RAB11FIP4: variants seen among roughly 807,000 people sequenced by gnomAD.
RAB11FIP4 encodes the protein rab11 family-interacting protein 4.
In RAB11FIP4, 23 loss-of-function variants were observed where a neutral mutation model predicts 74.3. That is an observed-to-expected ratio of 0.31 (90% CI 0.22 to 0.44). The LOEUF (loss-of-function observed/expected upper bound fraction) is 0.44, where lower values mean the gene tolerates loss of function less well. Among genes scored for constraint, RAB11FIP4 ranks in the 20% least tolerant of loss-of-function variants. The pLI, the probability that RAB11FIP4 is intolerant of heterozygous loss-of-function variation, is 1.00. For missense variants in RAB11FIP4, 630 were observed against 863.9 expected (o/e 0.73, Z 3.39); for synonymous variants, 360 against 359.9 (o/e 1.00, Z 0.00).
At chr17:31,480,084 C>G (rs2071831389) in intron 3 of RAB11FIP4, among the ~76,000 whole-genome samples, 1 of 152,168 alleles carries the variant, frequency 6.6e-6, no homozygotes. Flanking sequence ...GGTGAAGTTA[C>G]TTGCCTTTAG....
Position 31,489,490 on chromosome 17 carries a change from C to CT in RAB11FIP4, c.337-28160dup, listed in dbSNP as rs1181278342. On this transcript the variant is annotated intron_variant, in intron 3 of 14. Coordinates refer to ENST00000621161, the MANE Select transcript of RAB11FIP4 (RefSeq NM_032932.6). ...GGAGTGCCTGAGTCGCTGCCTTTGA[C>CT]TGGGGTCTCCCCCAGGTGCTGGCAC... Among the ~76,000 whole-genome samples, 9 of 152,278 alleles carry CT rather than the reference C, an allele frequency of 5.9e-5. No individual in the cohort carries two copies. The South Asian group carries it at 1.9e-3, about 32-fold the overall frequency.
At chr17:31,485,955 G>T (rs1163796127) in intron 3 of RAB11FIP4, among the ~76,000 whole-genome samples, 1 of 152,028 alleles carries the variant, frequency 6.6e-6, no homozygotes, top group Non-Finnish European at 1.5e-5. Flanking sequence ...GACAGGGTCA[G>T]CCAGGCGCAG....
intron 1 of RAB11FIP4, among the ~76,000 whole-genome samples, chr17:31,417,902 C>A (rs1337447023): frequency 2.0e-5 from 3 of 152,110 alleles, no homozygotes; most frequent in Non-Finnish European, 4.4e-5. Flanking sequence ...AGTTCAAGAC[C>A]AACCTGGGCA....
At chr17:31,516,313 C>T (rs1005276734) in intron 3 of RAB11FIP4, among the ~76,000 whole-genome samples, 3 of 151,386 alleles carry the variant, frequency 2.0e-5, no homozygotes, top group African/African-American at 4.9e-5. Flanking sequence ...GCCCTTACAC[C>T]GTGCACCAAG....
intron 3 of RAB11FIP4, chr17:31,488,486 G>T: frequency 2.4e-6 from 1 of 414,260 alleles, no homozygotes. Flanking sequence ...GCTTTTAGTG[G>T]ACTAGGAAGG....
chr17:31,474,096 C>A (rs1461934621), intron 3 of RAB11FIP4, among the ~76,000 whole-genome samples: 1 of 152,204 alleles, frequency 6.6e-6, no homozygotes, highest in East Asian at 1.9e-4. Flanking sequence ...AGCTGCAATG[C>A]AATCCACTTC....
At chr17:31,427,023 A>G (rs928189746) in intron 1 of RAB11FIP4, among the ~76,000 whole-genome samples, 3 of 151,938 alleles carry the variant, frequency 2.0e-5, no homozygotes, top group Non-Finnish European at 2.9e-5. Flanking sequence ...CAGTGGCACA[A>G]TCTCGGCTCA....
intron 3 of RAB11FIP4, among the ~76,000 whole-genome samples, chr17:31,505,402 T>TATA (rs1175109679): frequency 3.4e-5 from 4 of 116,716 alleles, no homozygotes; most frequent in Admixed American, 1.3e-4. Flanking sequence ...ATAATAATAA[T>TATA]ATATAATAAT....
intron 1 of RAB11FIP4, among the ~76,000 whole-genome samples, chr17:31,429,816 G>A (rs1020273494): frequency 4.8e-5 from 6 of 124,118 alleles, no homozygotes; most frequent in African/African-American, 1.3e-4. Context: ...GCAACAGAGC[G>A]AGATTCCATC....
At chr17:31,496,676 A>G (rs1406910218) in intron 3 of RAB11FIP4, among the ~76,000 whole-genome samples, 2 of 152,170 alleles carry the variant, frequency 1.3e-5, no homozygotes, top group Non-Finnish European at 2.9e-5. Context: ...GGGAAAGGGG[A>G]GGAGGGCTCT....
At chr17:31,437,841 G>A (rs2071374046) in intron 3 of RAB11FIP4, among the ~76,000 whole-genome samples, 1 of 152,078 alleles carries the variant, frequency 6.6e-6, no homozygotes, top group Non-Finnish European at 1.5e-5. Flanking sequence ...GGGGCCCCTG[G>A]GGTTGCTGTC....
In RAB11FIP4 at chr17:31,517,698, C is replaced by T. The variant is rs948563445; in HGVS notation, c.384C>T (p.Pro128=). 3 of 1,607,724 alleles carry T rather than the reference C, an allele frequency of 1.9e-6. No individual in the cohort carries two copies. The African/African-American group carries it at 4.0e-5, about 21-fold the overall frequency. Residue 128 remains proline, a synonymous_variant, in exon 4 of 15, where the codon CCC becomes CCT. Coordinates refer to ENST00000621161, the MANE Select transcript of RAB11FIP4 (RefSeq NM_032932.6). The part of the protein sequence containing the change: ...GPTFADGELI[P]REPGFFPEDE... The stretch of plus-strand genomic sequence containing the variant: ...CCTTTGCTGATGGCGAGCTCATCCC[C>T]AGGGAACCCGGCTTTTTTCCCGAGG...
At chr17:31,403,587 C>G (rs567284396) in intron 1 of RAB11FIP4, among the ~76,000 whole-genome samples, 114 of 152,050 alleles carry the variant, frequency 7.5e-4, no homozygotes, top group African/African-American at 2.7e-3. Context: ...CTCCCAAAGT[C>G]CTGGGGTTAC....
At chr17:31,476,486 C>T (rs1019798771) in intron 3 of RAB11FIP4, among the ~76,000 whole-genome samples, 3 of 152,158 alleles carry the variant, frequency 2.0e-5, no homozygotes, top group South Asian at 2.1e-4. Flanking sequence ...TGCCTGGCCT[C>T]GTGTGTACTA....
At chr17:31,514,904 T>A (rs2072518516) in intron 3 of RAB11FIP4, among the ~76,000 whole-genome samples, 1 of 152,210 alleles carries the variant, frequency 6.6e-6, no homozygotes. Context: ...GTGCTCTCCT[T>A]GTTGTCACCA....
intron 3 of RAB11FIP4, among the ~76,000 whole-genome samples, chr17:31,445,569 TATATATATA>T (rs1379995454): frequency 4.2e-3 from 51 of 12,068 alleles, no homozygotes; most frequent in South Asian, 8.0e-3. Flanking sequence ...TATATATATA[TATATATATA>T]TTTTTTTTTT....
chr17:31,508,062 A>G (rs1218602739), intron 3 of RAB11FIP4, among the ~76,000 whole-genome samples: 2 of 152,328 alleles, frequency 1.3e-5, no homozygotes, highest in African/African-American at 4.8e-5. Flanking sequence ...TCCTGGGCTC[A>G]AGTGATCCAG....
chr17:31,435,035 A>G (rs1234680099), intron 3 of RAB11FIP4, among the ~76,000 whole-genome samples: 1 of 152,098 alleles, frequency 6.6e-6, no homozygotes, highest in Non-Finnish European at 1.5e-5. Context: ...AAAAACTTAA[A>G]ATTAGCTGGA....
chr17:31,483,823 T>C (rs529668780), intron 3 of RAB11FIP4, among the ~76,000 whole-genome samples: 29 of 152,280 alleles, frequency 1.9e-4, no homozygotes, highest in Admixed American at 5.2e-4. Context: ...ATTTAGCCAG[T>C]CGTTCCACAT....
Sources: allele counts gnomAD v4.1 joint callset (sites outside exome capture counted in the v4.1 genomes callset), GRCh38; gene constraint gnomAD v4.1.1; transcripts MANE v1.5; gene names NCBI Gene and HGNC (gene_info 2026-07-23, HGNC 2026-07-21).